Variants in TLK1 observed in about 807,000 individuals in gnomAD.
TLK1 encodes tousled like kinase 1.
In TLK1, 24 loss-of-function variants were observed where a neutral mutation model predicts 105.3. The ratio of observed to expected loss-of-function variants is 0.23; its 90% CI spans 0.17 to 0.32. The LOEUF is 0.32. TLK1 is among the 10% of genes least tolerant of loss of function. The probability of loss-of-function intolerance (pLI) is 1.00; values close to 1 mark genes in which losing one functional copy is unlikely to be tolerated. For synonymous variants in TLK1, 321 were observed against 310.4 expected (o/e 1.03, Z -0.36); for missense variants, 558 against 910.5 (o/e 0.61, Z 4.98).
chr2:171,211,350 G>A (rs987729175), intron 1 of TLK1, among the ~76,000 whole-genome samples: 3 of 152,116 alleles, frequency 2.0e-5, no homozygotes, highest in African/African-American at 4.8e-5. Context: ...CGTTTGTCAC[G>A]GTAAGTTCAC....
chr2:171,006,080 C>T (rs1169899752), intron 18 of TLK1, 67 bp downstream of exon 18: 2 of 1,303,164 alleles, frequency 1.5e-6, no homozygotes, highest in East Asian at 2.5e-5. Flanking sequence ...AAAAAAAAAA[C>T]ACTAAATTAT....
At chr2:171,016,550 T>C (rs1685223337) in intron 12 of TLK1, among the ~76,000 whole-genome samples, 1 of 152,244 alleles carries the variant, frequency 6.6e-6, no homozygotes, top group Non-Finnish European at 1.5e-5. Flanking sequence ...TTCTGAATAA[T>C]GCATTTAAAT....
At chr2:171,193,073 C>T (rs1693185601) in intron 1 of TLK1, among the ~76,000 whole-genome samples, 1 of 152,218 alleles carries the variant, frequency 6.6e-6, no homozygotes, top group Non-Finnish European at 1.5e-5. Context: ...GTGTAAATCA[C>T]TGCAAGAAAT....
At chr2:171,085,348 C>A (rs1452952568) in intron 2 of TLK1, among the ~76,000 whole-genome samples, 1 of 151,760 alleles carries the variant, frequency 6.6e-6, no homozygotes, top group East Asian at 1.9e-4. Flanking sequence ...CAAGATCACA[C>A]CATTGCACTC....
At chr2:171,197,543 C>T (rs899109126) in intron 1 of TLK1, among the ~76,000 whole-genome samples, 83 of 152,246 alleles carry the variant, frequency 5.5e-4, no homozygotes, top group African/African-American at 1.6e-3. Context: ...CTATGAGAGG[C>T]GGAGGTGGGC....
intron 1 of TLK1, among the ~76,000 whole-genome samples, chr2:171,130,747 G>A (rs576037597): frequency 1.6e-4 from 25 of 152,156 alleles, no homozygotes; most frequent in African/African-American, 4.6e-4. Context: ...GCTAGCCTAC[G>A]TAGGATAGGG....
chr2:171,113,858 A>C (rs1053138971), intron 2 of TLK1, among the ~76,000 whole-genome samples: 1 of 152,218 alleles, frequency 6.6e-6, no homozygotes, highest in Non-Finnish European at 1.5e-5. Flanking sequence ...GCAGTATTTA[A>C]TTAGAATACC....
intron 1 of TLK1, among the ~76,000 whole-genome samples, chr2:171,202,152 G>A (rs1693415748): frequency 6.6e-6 from 1 of 152,116 alleles, no homozygotes; most frequent in East Asian, 1.9e-4. Context: ...ATAATTTTTG[G>A]GTATAAGAAT....
At chr2:171,135,661 G>C (rs947610966) in intron 1 of TLK1, among the ~76,000 whole-genome samples, 1 of 152,028 alleles carries the variant, frequency 6.6e-6, no homozygotes, top group Non-Finnish European at 1.5e-5. Context: ...AATTAGCCGG[G>C]AGTGGTGGTG....
chr2:171,216,584 T>G (rs147355207), intron 1 of TLK1, among the ~76,000 whole-genome samples: 1 of 152,242 alleles, frequency 6.6e-6, no homozygotes, highest in African/African-American at 2.4e-5. Flanking sequence ...GAAACTATTA[T>G]GGGTTGAATT....
intron 1 of TLK1, among the ~76,000 whole-genome samples, chr2:171,148,055 T>TA (rs1370467088): frequency 1.3e-5 from 2 of 152,070 alleles, no homozygotes; most frequent in East Asian, 3.9e-4. Context: ...CACGCCCGGC[T>TA]AATTTTTTGT....
At chr2:171,202,080 C>T (rs1693414270) in intron 1 of TLK1, among the ~76,000 whole-genome samples, 1 of 152,202 alleles carries the variant, frequency 6.6e-6, no homozygotes, top group Non-Finnish European at 1.5e-5. Flanking sequence ...ATGCCTAAAA[C>T]ACACAGTTGA....
intron 11 of TLK1, among the ~76,000 whole-genome samples, chr2:171,029,853 C>A (rs1470248130): frequency 1.3e-5 from 2 of 152,176 alleles, no homozygotes; most frequent in Non-Finnish European, 2.9e-5. Context: ...TCAAGTGATT[C>A]TCCTACCTCA....
intron 18 of TLK1, among the ~76,000 whole-genome samples, chr2:171,004,230 T>C (rs1046704364): frequency 4.6e-5 from 7 of 152,206 alleles, no homozygotes; most frequent in Non-Finnish European, 8.8e-5. Flanking sequence ...CTCAGAATGC[T>C]TGGATTACAG....
rs1336141245 is a variant in TLK1, at chr2:171,158,910, T to C, written c.139+1380A>G. Among the ~76,000 whole-genome samples, 6 of 152,248 alleles carry C rather than the reference T, an allele frequency of 3.9e-5. No individual in the cohort carries two copies. In the East Asian group the frequency reaches 7.7e-4, roughly 20 times the overall value. On this transcript the variant is annotated intron_variant, in intron 1 of 20. Coordinates refer to ENST00000431350, the MANE Select transcript of TLK1 (RefSeq NM_012290.5). ...GAAACGTCTGTCAATGTATTCCGCA[T>C]GTTTAATGGATCCCATAAATCAAAG... is the stretch of plus-strand genomic sequence containing the variant.
chr2:171,084,704 C>T (rs978612313), intron 2 of TLK1, among the ~76,000 whole-genome samples: 1 of 151,986 alleles, frequency 6.6e-6, no homozygotes, highest in Non-Finnish European at 1.5e-5. Context: ...GAACACACAT[C>T]CACAAAATAG....
intron 2 of TLK1, among the ~76,000 whole-genome samples, chr2:171,111,580 G>A (rs1210345291): frequency 3.1e-5 from 4 of 130,324 alleles, no homozygotes; most frequent in African/African-American, 1.2e-4. Flanking sequence ...GTGAGATCCT[G>A]TATTCAAAAA....
At chr2:171,130,346 A>G (rs7581314) in intron 1 of TLK1, among the ~76,000 whole-genome samples, 61,298 of 151,900 alleles carry the variant, frequency 0.4, 14,106 homozygotes, top group African/African-American at 0.61. Context: ...AGGCTGCAGT[A>G]AGCCAAGATC....
chr2:171,173,789 C>G (rs1558980308), intron 1 of TLK1, among the ~76,000 whole-genome samples: 1 of 152,192 alleles, frequency 6.6e-6, no homozygotes, highest in Non-Finnish European at 1.5e-5. Context: ...GGATGTTCCA[C>G]AGTTTTCTCA....
Sources: gnomAD v4.1 joint callset for allele counts (sites outside exome capture counted in the v4.1 genomes callset) on GRCh38, gnomAD v4.1.1 for gene constraint, MANE v1.5 for transcripts, NCBI Gene and HGNC (gene_info 2026-07-23, HGNC 2026-07-21) for gene names.